Variants in TECRL observed in about 807,000 individuals in gnomAD.
TECRL encodes the protein trans-2,3-enoyl-CoA reductase-like.
In TECRL, 63 loss-of-function variants were observed where a neutral mutation model predicts 52.8. That is an observed-to-expected ratio of 1.19 (90% CI 0.97 to 1.47). The LOEUF (loss-of-function observed/expected upper bound fraction) is 1.47. Among genes scored for constraint, TECRL ranks in the 40% most tolerant of loss-of-function variants. The pLI is 0.00. For synonymous variants in TECRL, 164 were observed against 141.9 expected, an observed-to-expected ratio of 1.16 and a Z score of -1.10; for missense variants, 482 against 429.6, an observed-to-expected ratio of 1.12 and a Z score of -1.08.
chr4:64,338,451 G>C (rs1719292458), intron 2 of TECRL, among the ~76,000 whole-genome samples: 1 of 152,098 alleles, frequency 6.6e-6, no homozygotes, highest in Non-Finnish European at 1.5e-5. Context: ...TTAAACTCAA[G>C]AGCTTCTGCA....
Position 64,289,771 on chromosome 4 carries a change from C to A in TECRL, c.775-4G>T, listed in dbSNP as rs747077730. On this transcript the variant is annotated splice_polypyrimidine_tract_variant and splice_region_variant and intron_variant, in intron 8 of 11. Transcript: ENST00000381210. ...AATGATTCCCAGCTTCACAAATCTG[C>A]AAAACATTTTAAACACTTTCAGTGT... 2.6e-6 allele frequency: 4 copies of A among 1,544,626 alleles called. No individual in the cohort carries two copies. Among genetic ancestry groups the A allele is most frequent in the East Asian group, 2.4e-5 (1 of 40,894 alleles).
intron 1 of TECRL, among the ~76,000 whole-genome samples, chr4:64,382,307 T>C (rs1397169464): frequency 6.9e-6 from 1 of 145,586 alleles, no homozygotes; most frequent in African/African-American, 2.5e-5. Context: ...ATACATTATA[T>C]TATATATTAT....
chr4:64,364,257 T>G (rs1470548648), intron 2 of TECRL, among the ~76,000 whole-genome samples: 1 of 152,012 alleles, frequency 6.6e-6, no homozygotes, highest in African/African-American at 2.4e-5. Flanking sequence ...AGGCCACAAC[T>G]AAAGCAGTGT....
intron 5 of TECRL, among the ~76,000 whole-genome samples, chr4:64,311,461 C>T (rs1428153968): frequency 6.6e-6 from 1 of 152,096 alleles, no homozygotes; most frequent in Non-Finnish European, 1.5e-5. Context: ...GGTATCTCTC[C>T]TCATTTTATT....
chr4:64,288,548 A>G (rs897131123), intron 9 of TECRL, among the ~76,000 whole-genome samples: 1 of 152,150 alleles, frequency 6.6e-6, no homozygotes, highest in Non-Finnish European at 1.5e-5. Context: ...TGTAAGAACA[A>G]TGAACCATTT....
intron 8 of TECRL, among the ~76,000 whole-genome samples, chr4:64,294,330 AAT>A (rs748615861): frequency 1.3e-5 from 2 of 152,086 alleles, no homozygotes; most frequent in African/African-American, 2.4e-5. Context: ...AGCAATAAGT[AAT>A]AGTCATTTTA....
At chr4:64,371,758 A>G (rs535395086) in intron 2 of TECRL, among the ~76,000 whole-genome samples, 37 of 151,862 alleles carry the variant, frequency 2.4e-4, no homozygotes, top group Non-Finnish European at 4.6e-4. Context: ...GTTCGTTTCT[A>G]CTTACATCTA....
chr4:64,341,787 C>G (rs977047029), intron 2 of TECRL, among the ~76,000 whole-genome samples: 4 of 152,140 alleles, frequency 2.6e-5, no homozygotes, highest in African/African-American at 9.7e-5. Flanking sequence ...ATCACACTCC[C>G]TGGTGACAGC....
At chr4:64,363,532 T>C (rs1170896909) in intron 2 of TECRL, among the ~76,000 whole-genome samples, 5 of 152,156 alleles carry the variant, frequency 3.3e-5, no homozygotes, top group Admixed American at 6.6e-5. Context: ...CTGGTTTCCA[T>C]TGGCTGGAAC....
rs560528506 is a variant in TECRL at position 64,401,434 on chromosome 4, C to T, written c.234+7684G>A. On this transcript the variant is annotated intron_variant, in intron 1 of 11. Transcript: ENST00000381210. ...CCAGGCTAATGTTCTATACTATATA[C>T]TTTTCAAGATCCTTTCAAGTGCCAT... Among the ~76,000 whole-genome samples, 4 of 152,290 alleles carry T rather than the reference C, an allele frequency of 2.6e-5. No individual in the cohort carries two copies. In the South Asian group the frequency reaches 8.3e-4, roughly 32 times the overall value.
chr4:64,315,272 T>C (rs977295494), intron 4 of TECRL, among the ~76,000 whole-genome samples: 1 of 152,178 alleles, frequency 6.6e-6, no homozygotes, highest in African/African-American at 2.4e-5. Context: ...AATTTTATAT[T>C]TTAATTCTAA....
chr4:64,328,162 G>T (rs1306060087), intron 3 of TECRL, among the ~76,000 whole-genome samples: 2 of 151,824 alleles, frequency 1.3e-5, no homozygotes, highest in South Asian at 2.1e-4. Flanking sequence ...ACAGCAAAAA[G>T]AAAAAGAAAA....
rs951968467 is a variant in TECRL, at chr4:64,277,751, C to T, written c.*2321G>A. The T allele has an allele frequency of 6.6e-6, 1 of 151,192 alleles. No homozygotes were observed. The highest frequency in any genetic ancestry group is 2.4e-5 in the African/African-American group (1 of 41,230). 9.4% of individuals were successfully genotyped at this position (151,192 alleles called of 1,614,324 possible). On this transcript the variant is annotated 3_prime_UTR_variant, in exon 12 of 12. Transcript: ENST00000381210. ...ATGTATAATCTGAGAATTGAAAATA[C>T]TCCATAGACTAACAAATCTAAAAAT...
At chr4:64,375,909 C>T (rs115051245) in intron 1 of TECRL, among the ~76,000 whole-genome samples, 35 of 151,802 alleles carry the variant, frequency 2.3e-4, no homozygotes, top group Admixed American at 7.9e-4. Context: ...TTCAAGCCAT[C>T]GCAATACTTT....
intron 2 of TECRL, among the ~76,000 whole-genome samples, chr4:64,352,204 A>C (rs1387925647): frequency 6.6e-6 from 1 of 152,198 alleles, no homozygotes; most frequent in African/African-American, 2.4e-5. Context: ...AATAACAGAC[A>C]CACAAAAAAT....
At chr4:64,383,334 A>C (rs764265178) in intron 1 of TECRL, among the ~76,000 whole-genome samples, 2 of 152,068 alleles carry the variant, frequency 1.3e-5, no homozygotes, top group Non-Finnish European at 2.9e-5. Flanking sequence ...TTCAGCTATT[A>C]GTTCATTAGG....
chr4:64,332,050 G>T (rs562852397), intron 2 of TECRL, among the ~76,000 whole-genome samples: 1 of 152,178 alleles, frequency 6.6e-6, no homozygotes, highest in Non-Finnish European at 1.5e-5. Context: ...AAAATAAAAA[G>T]AATTAGGGAA....
intron 2 of TECRL, among the ~76,000 whole-genome samples, chr4:64,355,841 A>T (rs898515437): frequency 1.2e-4 from 18 of 151,798 alleles, no homozygotes; most frequent in African/African-American, 4.3e-4. Context: ...AAAATATTTT[A>T]AAAATATATA....
intron 2 of TECRL, among the ~76,000 whole-genome samples, chr4:64,365,275 T>C (rs6551825): frequency 0.9 from 136,475 of 151,830 alleles, 61,993 homozygotes; most frequent in East Asian, 1. Context: ...TTGCCAACAT[T>C]GTACTAAACA....
Sources: allele counts gnomAD v4.1 joint callset (sites outside exome capture counted in the v4.1 genomes callset), GRCh38; gene constraint gnomAD v4.1.1; transcripts MANE v1.5; gene names NCBI Gene and HGNC (gene_info 2026-07-23, HGNC 2026-07-21).